CNTN6: variants seen among roughly 807,000 people sequenced by gnomAD.
CNTN6 encodes contactin-6.
In CNTN6, 137 loss-of-function variants were observed where a neutral mutation model predicts 122.8. The ratio of observed to expected loss-of-function variants is 1.12; its 90% CI spans 0.97 to 1.29. The LOEUF (loss-of-function observed/expected upper bound fraction) is 1.29, where lower values mean the gene tolerates loss of function less well. CNTN6 is among the 50% of genes most tolerant of loss of function. CNTN6 has a pLI of 0.00. For missense variants in CNTN6, 1,634 were observed against 1,223.4 expected (o/e 1.34, Z -5.01); for synonymous variants, 570 against 426.0 (o/e 1.34, Z -4.16).
At chr3:1,362,788 A>ATAG (rs3048972) in intron 12 of CNTN6, among the ~76,000 whole-genome samples, 1 of 354 alleles carries the variant, frequency 2.8e-3, no homozygotes, top group Admixed American at 0.023. Flanking sequence ...ACTGAAAATG[A>ATAG]TAAGTATCCA....
rs142227574 is a variant in CNTN6 at position 1,121,120 on chromosome 3, T to A, written c.-82-26807T>A. ...AAGTCACTGAGTTGGGAAGAAAGTGTGTGCAGTTACTGGCCTCTTTATTTT... is the reference window on the plus strand; with the variant it reads ...AAGTCACTGAGTTGGGAAGAAAGTGAGTGCAGTTACTGGCCTCTTTATTTT... On this transcript the variant is annotated intron_variant, in intron 1 of 22. Coordinates refer to ENST00000446702, the MANE Select transcript of CNTN6 (RefSeq NM_001289080.2). 5.7e-3 allele frequency among the ~76,000 whole-genome samples: 865 copies of A among 152,174 alleles called. 7 individuals are homozygous for A. The highest frequency in any genetic ancestry group is 0.043 in the East Asian group (225 of 5,186).
intron 7 of CNTN6, among the ~76,000 whole-genome samples, chr3:1,319,922 A>G (rs765527408): frequency 8.6e-5 from 13 of 151,616 alleles, no homozygotes; most frequent in Non-Finnish European, 1.0e-4. Flanking sequence ...TTCACATGCA[A>G]TACATACAAC....
chr3:1,146,822 T>C (rs1023066565), intron 1 of CNTN6, among the ~76,000 whole-genome samples: 7 of 152,108 alleles, frequency 4.6e-5, no homozygotes, highest in Non-Finnish European at 8.8e-5. Context: ...ATGTAAGGCA[T>C]TAAAGGCTGT....
chr3:1,345,445 C>A (rs1038213836), intron 11 of CNTN6, among the ~76,000 whole-genome samples: 2 of 152,040 alleles, frequency 1.3e-5, no homozygotes, highest in South Asian at 2.1e-4. Flanking sequence ...AAGTTACTGA[C>A]ATAAAATGAT....
At position 1,243,269 on chromosome 3, in the gene CNTN6, T is replaced by A. The variant is rs2094513037; in HGVS notation, c.358+15276T>A. Reference sequence around the variant, plus strand: ...CTGGTGGCCAGATTTCTGGCACTTGTAGCAAGCTCCTGGGGAAGGAGGTTC... The same window carrying A: ...CTGGTGGCCAGATTTCTGGCACTTGAAGCAAGCTCCTGGGGAAGGAGGTTC... On this transcript the variant is annotated intron_variant, in intron 4 of 22. Transcript: ENST00000446702. Among the ~76,000 whole-genome samples the A allele has an allele frequency of 2.6e-5, 4 of 152,146 alleles. No homozygotes were observed. The South Asian group carries it at 8.3e-4, about 31-fold the overall frequency.
intron 5 of CNTN6, among the ~76,000 whole-genome samples, chr3:1,286,095 C>G (rs1244430554): frequency 6.6e-6 from 1 of 152,224 alleles, no homozygotes; most frequent in Non-Finnish European, 1.5e-5. Flanking sequence ...CAGAACTCTC[C>G]TGTTGCAGCC....
At chr3:1,099,411 A>AT (rs1479462186) in intron 1 of CNTN6, among the ~76,000 whole-genome samples, 1 of 152,316 alleles carries the variant, frequency 6.6e-6, no homozygotes, top group East Asian at 1.9e-4. Flanking sequence ...AGATTGAGCC[A>AT]TTACACTCCA....
chr3:1,269,897 T>C (rs994846220), intron 4 of CNTN6, among the ~76,000 whole-genome samples: 2 of 152,306 alleles, frequency 1.3e-5, no homozygotes, highest in Middle Eastern at 3.4e-3. Flanking sequence ...CGAAAATTCT[T>C]TTACACCCCC....
chr3:1,161,596 G>C (rs1575074176), intron 2 of CNTN6, among the ~76,000 whole-genome samples: 2 of 151,806 alleles, frequency 1.3e-5, no homozygotes, highest in Non-Finnish European at 2.9e-5. Flanking sequence ...TCAGAGACAT[G>C]GTTGTTAAAT....
At chr3:1,284,786 G>A (rs559292678) in intron 5 of CNTN6, among the ~76,000 whole-genome samples, 4 of 152,254 alleles carry the variant, frequency 2.6e-5, no homozygotes, top group African/African-American at 9.6e-5. Context: ...AGAAGTGAGG[G>A]AGTGAGACAC....
At chr3:1,162,347 C>T (rs1377280397) in intron 2 of CNTN6, among the ~76,000 whole-genome samples, 2 of 152,092 alleles carry the variant, frequency 1.3e-5, no homozygotes, top group Non-Finnish European at 2.9e-5. Context: ...TCAGAAAGCA[C>T]TTATAATCAA....
intron 11 of CNTN6, among the ~76,000 whole-genome samples, chr3:1,343,153 G>A (rs1479956926): frequency 6.6e-6 from 1 of 152,074 alleles, no homozygotes; most frequent in Non-Finnish European, 1.5e-5. Context: ...ATCTTCTCTA[G>A]CTGACTTTAT....
chr3:1,095,225 C>T (rs931182492), intron 1 of CNTN6, among the ~76,000 whole-genome samples: 11 of 152,054 alleles, frequency 7.2e-5, no homozygotes, highest in Non-Finnish European at 2.9e-5. Flanking sequence ...ATAATCCCAG[C>T]ACTTTGGGAG....
intron 2 of CNTN6, among the ~76,000 whole-genome samples, chr3:1,213,153 A>G (rs2094071727): frequency 6.6e-6 from 1 of 152,174 alleles, no homozygotes; most frequent in South Asian, 2.1e-4. Flanking sequence ...TCATTCTCAC[A>G]AGTATAAGAT....
intron 20 of CNTN6, among the ~76,000 whole-genome samples, chr3:1,393,873 G>A (rs999830868): frequency 7.9e-5 from 12 of 152,040 alleles, no homozygotes; most frequent in Non-Finnish European, 1.6e-4. Flanking sequence ...GAGATTTTCT[G>A]TATGATATAT....
chr3:1,388,719 G>C (rs1458794531), intron 20 of CNTN6, among the ~76,000 whole-genome samples: 42 of 148,524 alleles, frequency 2.8e-4, no homozygotes, highest in Non-Finnish European at 5.4e-4. Context: ...AGTGCTTAAA[G>C]GAGCTGATGG....
At chr3:1,263,354 C>T (rs377395772) in intron 4 of CNTN6, among the ~76,000 whole-genome samples, 2 of 152,134 alleles carry the variant, frequency 1.3e-5, no homozygotes, top group African/African-American at 4.8e-5. Context: ...GAGGGTTTTT[C>T]TGTCTCCCCT....
chr3:1,187,068 T>C (rs1323747564), intron 2 of CNTN6, among the ~76,000 whole-genome samples: 1 of 152,160 alleles, frequency 6.6e-6, no homozygotes, highest in Non-Finnish European at 1.5e-5. Context: ...CGAGGATTTT[T>C]ACCTATTTTA....
In CNTN6 at chr3:1,173,898, A is replaced by G. The variant is rs549179670; in HGVS notation, c.55+25835A>G. 7.2e-5 allele frequency among the ~76,000 whole-genome samples: 11 copies of G among 152,268 alleles called. No individual in the cohort carries two copies. The East Asian group carries it at 2.1e-3, about 29-fold the overall frequency. ...TCGAGACTTCTGTTTCTTTATTTGT[A>G]AACTGGTGGGGTTGGAATTATGAAT... is the stretch of plus-strand genomic sequence containing the variant. On this transcript the variant is annotated intron_variant, in intron 2 of 22. Transcript: ENST00000446702.
Sources: gnomAD v4.1 joint callset for allele counts (sites outside exome capture counted in the v4.1 genomes callset) on GRCh38, gnomAD v4.1.1 for gene constraint, MANE v1.5 for transcripts, NCBI Gene and HGNC (gene_info 2026-07-23, HGNC 2026-07-21) for gene names.